YTHDF3: variants seen among roughly 807,000 people sequenced by gnomAD.
The protein encoded by YTHDF3 is YTH domain-containing family protein 3.
Under a neutral mutation model 52.5 loss-of-function variants are expected in YTHDF3, and 9 were observed. The ratio of observed to expected loss-of-function variants is 0.17; its 90% CI spans 0.10 to 0.30. The LOEUF is 0.30. Ranked by LOEUF, YTHDF3 falls within the 10% of genes least tolerant of loss-of-function variation. The probability of loss-of-function intolerance (pLI) is 1.00; values close to 1 mark genes in which losing one functional copy is unlikely to be tolerated. For synonymous variants in YTHDF3, 274 were observed against 243.3 expected (o/e 1.13, Z -1.18); for missense variants, 534 against 715.0 (o/e 0.75, Z 2.89).
upstream of YTHDF3, chr8:63,168,564 G>A (rs911165301): frequency 3.9e-5 from 20 of 516,044 alleles, no homozygotes; most frequent in South Asian, 4.2e-4. Context: ...GGAAGAGCGA[G>A]GTGAGCGCGG....
intron 4 of YTHDF3, among the ~76,000 whole-genome samples, chr8:63,196,803 A>G (rs1475809669): frequency 2.0e-5 from 3 of 152,032 alleles, no homozygotes; most frequent in African/African-American, 7.2e-5. Context: ...GGGTCGGGGG[A>G]GTAAAAGAAG....
intron 2 of YTHDF3, chr8:63,173,569 TACTG>T (rs1272898068): frequency 5.4e-6 from 4 of 735,144 alleles, no homozygotes; most frequent in Non-Finnish European, 6.6e-6. Context: ...CTGTTTCAAA[TACTG>T]ACTAACATGT....
At chr8:63,195,338 T>C (rs537603694) in intron 4 of YTHDF3, among the ~76,000 whole-genome samples, 1 of 152,280 alleles carries the variant, frequency 6.6e-6, no homozygotes, top group East Asian at 1.9e-4. Flanking sequence ...AAAATTGTGA[T>C]TTGTGTTGTT....
chr8:63,182,272 T>C (rs1165933432), intron 3 of YTHDF3, among the ~76,000 whole-genome samples: 1 of 145,846 alleles, frequency 6.9e-6, no homozygotes, highest in Non-Finnish European at 1.5e-5. Context: ...TGAGATAGTC[T>C]CTTGTGCAGG....
chr8:63,200,983 C>T (rs1256509274), intron 4 of YTHDF3, among the ~76,000 whole-genome samples: 1 of 152,000 alleles, frequency 6.6e-6, no homozygotes, highest in African/African-American at 2.4e-5. Context: ...AATCACAAGT[C>T]GAAGGAATTG....
intron 4 of YTHDF3, among the ~76,000 whole-genome samples, chr8:63,190,721 G>A (rs1474911163): frequency 6.6e-6 from 1 of 152,158 alleles, no homozygotes; most frequent in Non-Finnish European, 1.5e-5. Flanking sequence ...TCCGTTTTCT[G>A]TATATCACTT....
At chr8:63,171,242 A>G (rs113122439) in intron 2 of YTHDF3, among the ~76,000 whole-genome samples, 4 of 152,096 alleles carry the variant, frequency 2.6e-5, no homozygotes, top group African/African-American at 7.2e-5. Flanking sequence ...GCTTGAAAAC[A>G]TTTTACCTGT....
At chr8:63,177,141 TGAAA>T (rs1807746293) in intron 3 of YTHDF3, among the ~76,000 whole-genome samples, 1 of 152,186 alleles carries the variant, frequency 6.6e-6, no homozygotes, top group Non-Finnish European at 1.5e-5. Context: ...TTTGAAACTC[TGAAA>T]GAACAAGGAA....
chr8:63,179,918 C>T (rs1254638647), intron 3 of YTHDF3, among the ~76,000 whole-genome samples: 4 of 151,034 alleles, frequency 2.6e-5, no homozygotes, highest in Admixed American at 6.6e-5. Flanking sequence ...CCAGTAGGGG[C>T]GGCCGGGCAG....
At chr8:63,189,817 T>C (rs1808800809) in intron 4 of YTHDF3, among the ~76,000 whole-genome samples, 1 of 152,204 alleles carries the variant, frequency 6.6e-6, no homozygotes, top group Non-Finnish European at 1.5e-5. Context: ...TATTGATTGC[T>C]GTGTTGGATT....
rs11348989 is a variant in YTHDF3, at chr8:63,182,234, ATT to A, written c.136-3889_136-3888del. Among the ~76,000 whole-genome samples, 79 of 111,682 alleles carry A rather than the reference ATT, an allele frequency of 7.1e-4. No homozygotes were observed. The Middle Eastern group carries it at 0.015, about 21-fold the overall frequency. The allele number at this position is 111,682 out of a possible 152,430, so 73.3% of individuals were successfully genotyped here. A position where few individuals can be genotyped will look rare whatever the true frequency, so the allele number is the denominator to read the frequency against. On this transcript the variant is annotated intron_variant, in intron 3 of 4. Coordinates refer to ENST00000539294, the MANE Select transcript of YTHDF3 (RefSeq NM_152758.6). ...AGGCGTGCACCACCATGCCTGGCTA[ATT>A]TTTTTTTTTTTTTTTTTTTTTTTAA...
chr8:63,174,125 G>T (rs994398788), intron 2 of YTHDF3, among the ~76,000 whole-genome samples: 3 of 152,136 alleles, frequency 2.0e-5, no homozygotes, highest in African/African-American at 7.2e-5. Context: ...AGAGGAATAC[G>T]CAATTTAAAC....
intron 3 of YTHDF3, among the ~76,000 whole-genome samples, chr8:63,185,680 A>T (rs1360351254): frequency 6.6e-6 from 1 of 152,220 alleles, no homozygotes; most frequent in African/African-American, 2.4e-5. Context: ...GGATTCCATC[A>T]TATAGATAAG....
intron 4 of YTHDF3, among the ~76,000 whole-genome samples, chr8:63,190,606 A>G (rs536931241): frequency 4.5e-4 from 68 of 152,350 alleles, no homozygotes; most frequent in African/African-American, 1.4e-3. Context: ...AACAGACCGC[A>G]GCCTACTCTT....
chr8:63,168,553 A>C, upstream of YTHDF3: 1 of 469,722 alleles, frequency 2.1e-6, no homozygotes. Context: ...AGGGTGGGGG[A>C]GGAAGAGCGA....
intron 2 of YTHDF3, chr8:63,172,733 T>C: frequency 8.1e-7 from 1 of 1,229,412 alleles, no homozygotes; most frequent in Non-Finnish European, 1.0e-6. Context: ...ACCTGGCTCC[T>C]AAGGCCCATG....
intron 4 of YTHDF3, among the ~76,000 whole-genome samples, chr8:63,197,736 A>G (rs1247365251): frequency 1.3e-5 from 2 of 152,214 alleles, no homozygotes; most frequent in African/African-American, 2.4e-5. Flanking sequence ...TAAATTTATA[A>G]TGGCAACCCC....
intron 3 of YTHDF3, among the ~76,000 whole-genome samples, chr8:63,178,953 C>T (rs1227162741): frequency 6.6e-6 from 1 of 152,144 alleles, no homozygotes; most frequent in African/African-American, 2.4e-5. Context: ...ACACTGTACA[C>T]AGTGTGTTTT....
intron 3 of YTHDF3, among the ~76,000 whole-genome samples, chr8:63,176,386 A>T (rs1807694209): frequency 6.6e-6 from 1 of 152,092 alleles, no homozygotes; most frequent in South Asian, 2.1e-4. Context: ...GGTTCACGCC[A>T]TTCTCCTGCC....
Sources: gnomAD v4.1 joint callset for allele counts (sites outside exome capture counted in the v4.1 genomes callset) on GRCh38, gnomAD v4.1.1 for gene constraint, MANE v1.5 for transcripts, NCBI Gene and HGNC (gene_info 2026-07-23, HGNC 2026-07-21) for gene names.